RIT2: variants seen among roughly 807,000 people sequenced by gnomAD.
The protein encoded by RIT2 is GTP-binding protein Rit2.
In RIT2, 24 loss-of-function variants were observed where a neutral mutation model predicts 23.7. That is an observed-to-expected ratio of 1.01 (90% CI 0.73 to 1.43). RIT2 has a LOEUF of 1.43. Among genes scored for constraint, RIT2 ranks in the 40% most tolerant of loss-of-function variants. The probability of loss-of-function intolerance (pLI) is 0.00; values close to 1 mark genes in which losing one functional copy is unlikely to be tolerated. For missense variants in RIT2, 236 were observed against 266.9 expected (o/e 0.88, Z 0.81); for synonymous variants, 107 against 91.1 (o/e 1.17, Z -0.99).
intron 1 of RIT2, among the ~76,000 whole-genome samples, chr18:43,059,883 ATTTTAAAGGAT>A (rs943451821): frequency 3.3e-5 from 5 of 152,014 alleles, no homozygotes; most frequent in Non-Finnish European, 5.9e-5. Context: ...ACAACTCTTG[ATTTTAAAGGAT>A]GTCCTAGAGT....
intron 4 of RIT2, among the ~76,000 whole-genome samples, chr18:42,902,883 A>G (rs959738873): frequency 6.6e-6 from 1 of 151,832 alleles, no homozygotes; most frequent in Non-Finnish European, 1.5e-5. Context: ...ATTGGCTTTA[A>G]GTAATTTCAT....
chr18:42,892,221 C>T (rs1038167322), intron 4 of RIT2, among the ~76,000 whole-genome samples: 6 of 152,148 alleles, frequency 3.9e-5, no homozygotes, highest in African/African-American at 1.4e-4. Context: ...ACTAATTCAG[C>T]TCTAAGTATA....
chr18:42,933,793 GC>G (rs1422105549), intron 3 of RIT2, among the ~76,000 whole-genome samples: 2 of 152,002 alleles, frequency 1.3e-5, no homozygotes, highest in East Asian at 3.9e-4. Flanking sequence ...GCTGAGGCAG[GC>G]AGAACACAAG....
chr18:42,847,824 A>G (rs1459931262), intron 4 of RIT2, among the ~76,000 whole-genome samples: 2 of 151,768 alleles, frequency 1.3e-5, no homozygotes, highest in African/African-American at 2.4e-5. Context: ...TAAATGAAGG[A>G]TAAGAGCATT....
intron 4 of RIT2, among the ~76,000 whole-genome samples, chr18:42,812,371 A>G (rs537418297): frequency 6.6e-6 from 1 of 152,160 alleles, no homozygotes; most frequent in Admixed American, 6.5e-5. Flanking sequence ...TAAGATTGAC[A>G]AGAGTATAGA....
intron 4 of RIT2, among the ~76,000 whole-genome samples, chr18:42,825,774 A>G (rs1238896701): frequency 6.6e-6 from 1 of 151,938 alleles, no homozygotes. Flanking sequence ...TCAAAAAAAT[A>G]TATTAGGTCT....
intron 4 of RIT2, among the ~76,000 whole-genome samples, chr18:42,829,912 AT>A (rs1180663405): frequency 6.6e-6 from 1 of 152,230 alleles, no homozygotes; most frequent in African/African-American, 2.4e-5. Context: ...AAATAAGTGA[AT>A]GTAAGGATCC....
chr18:42,872,066 C>T (rs377257724), intron 4 of RIT2, among the ~76,000 whole-genome samples: 7 of 152,004 alleles, frequency 4.6e-5, no homozygotes, highest in African/African-American at 1.7e-4. Context: ...CATCATCTTG[C>T]TTTAAAAAAT....
At chr18:43,087,821 A>G (rs906658822) in intron 1 of RIT2, among the ~76,000 whole-genome samples, 1 of 152,190 alleles carries the variant, frequency 6.6e-6, no homozygotes, top group Non-Finnish European at 1.5e-5. Context: ...GTGGTTGTCT[A>G]GAGGCCAACT....
chr18:42,858,591 G>T, intron 4 of RIT2, among the ~76,000 whole-genome samples: 1 of 152,154 alleles, frequency 6.6e-6, no homozygotes, highest in East Asian at 1.9e-4. Context: ...AAAGTATAAA[G>T]CTCAGTGGTT....
At chr18:42,785,780 C>T (rs971492170) in intron 4 of RIT2, among the ~76,000 whole-genome samples, 2 of 152,090 alleles carry the variant, frequency 1.3e-5, no homozygotes, top group Non-Finnish European at 2.9e-5. Context: ...CACAGGGTAG[C>T]GTGCCCAGCA....
At chr18:42,938,435 G>T (rs1257615293) in intron 3 of RIT2, among the ~76,000 whole-genome samples, 1 of 152,142 alleles carries the variant, frequency 6.6e-6, no homozygotes, top group Non-Finnish European at 1.5e-5. Flanking sequence ...TTAAGATTCA[G>T]TAGAGTTTAA....
intron 2 of RIT2, among the ~76,000 whole-genome samples, chr18:42,992,224 T>C (rs1910868598): frequency 6.6e-6 from 1 of 152,140 alleles, no homozygotes; most frequent in African/African-American, 2.4e-5. Flanking sequence ...ACCTAAAACC[T>C]AAATGCCTTA....
At chr18:42,829,452 T>A (rs1906396111) in intron 4 of RIT2, among the ~76,000 whole-genome samples, 2 of 152,152 alleles carry the variant, frequency 1.3e-5, no homozygotes, top group Non-Finnish European at 2.9e-5. Flanking sequence ...AATTGGAGGG[T>A]GGCTCTGTGA....
At chr18:42,867,161 C>G (rs559223450) in intron 4 of RIT2, among the ~76,000 whole-genome samples, 2 of 152,074 alleles carry the variant, frequency 1.3e-5, no homozygotes, top group Admixed American at 6.6e-5. Flanking sequence ...GTCAACTCTA[C>G]TAACATGAGA....
intron 3 of RIT2, among the ~76,000 whole-genome samples, chr18:42,930,410 A>G (rs1007464731): frequency 1.3e-5 from 2 of 152,138 alleles, no homozygotes; most frequent in African/African-American, 4.8e-5. Flanking sequence ...TGAAAAAAGG[A>G]CATGAAAAAC....
chr18:42,833,769 A>G (rs899244472), intron 4 of RIT2, among the ~76,000 whole-genome samples: 2 of 152,146 alleles, frequency 1.3e-5, no homozygotes, highest in African/African-American at 4.8e-5. Context: ...TATAACAAGT[A>G]TTTATTGAGC....
chr18:43,105,835 G>T (rs1193684351), intron 1 of RIT2, among the ~76,000 whole-genome samples: 2 of 152,132 alleles, frequency 1.3e-5, no homozygotes, highest in African/African-American at 4.8e-5. Flanking sequence ...GATGAGAAAA[G>T]ACAAATATGG....
intron 1 of RIT2, among the ~76,000 whole-genome samples, chr18:43,105,228 G>A (rs1313395262): frequency 6.6e-6 from 1 of 151,864 alleles, no homozygotes; most frequent in Non-Finnish European, 1.5e-5. Context: ...TTTTATTACT[G>A]TCACTGAAAT....
Sources: gnomAD v4.1 joint callset for allele counts (sites outside exome capture counted in the v4.1 genomes callset) on GRCh38, gnomAD v4.1.1 for gene constraint, MANE v1.5 for transcripts, NCBI Gene and HGNC (gene_info 2026-07-23, HGNC 2026-07-21) for gene names.